Variants in PRKAR1B observed in about 807,000 individuals in gnomAD.
The protein encoded by PRKAR1B is cAMP-dependent protein kinase type I-beta regulatory subunit.
In PRKAR1B, 22 loss-of-function variants were observed where a neutral mutation model predicts 46.5. The ratio of observed to expected loss-of-function variants is 0.47; its 90% CI spans 0.34 to 0.68. The LOEUF (loss-of-function observed/expected upper bound fraction) is 0.68. Ranked by LOEUF, PRKAR1B falls within the 30% of genes least tolerant of loss-of-function variation. The pLI, the probability that PRKAR1B is intolerant of heterozygous loss-of-function variation, is 0.01. For missense variants in PRKAR1B, 445 were observed against 535.6 expected, an observed-to-expected ratio of 0.83 and a Z score of 1.67; for synonymous variants, 259 against 217.7, an observed-to-expected ratio of 1.19 and a Z score of -1.67.
chr7:655,205 A>G (rs902502646), intron 4 of PRKAR1B, among the ~76,000 whole-genome samples: 5 of 152,204 alleles, frequency 3.3e-5, no homozygotes, highest in African/African-American at 9.7e-5. Flanking sequence ...AGGGCCTCCC[A>G]TCTCAGAATA....
intron 4 of PRKAR1B, among the ~76,000 whole-genome samples, chr7:618,414 G>A (rs1251105411): frequency 2.6e-5 from 4 of 152,082 alleles, no homozygotes. Context: ...CTCGGTCTGT[G>A]GGCAATTGCT....
chr7:637,214 G>A (rs2128482970), intron 4 of PRKAR1B, among the ~76,000 whole-genome samples: 1 of 152,252 alleles, frequency 6.6e-6, no homozygotes, highest in South Asian at 2.1e-4. Context: ...TTGAGCTTCG[G>A]AGGCAGAGGT....
At chr7:634,589 G>C (rs1783936848) in intron 4 of PRKAR1B, among the ~76,000 whole-genome samples, 2 of 152,174 alleles carry the variant, frequency 1.3e-5, no homozygotes, top group East Asian at 3.9e-4. Flanking sequence ...CTTGTTCTTA[G>C]GAGACACCCA....
intron 4 of PRKAR1B, among the ~76,000 whole-genome samples, chr7:676,881 C>T (rs934685711): frequency 4.6e-5 from 7 of 151,658 alleles, no homozygotes; most frequent in Non-Finnish European, 7.4e-5. Context: ...GGCCTGCCCA[C>T]CTCCCGGAGG....
At chr7:710,838 T>A (rs1460745912) in intron 2 of PRKAR1B, among the ~76,000 whole-genome samples, 1 of 151,990 alleles carries the variant, frequency 6.6e-6, no homozygotes, top group African/African-American at 2.4e-5. Context: ...GAGAGGGGGT[T>A]TCGCCATGTT....
intron 6 of PRKAR1B, 65 bp from the exon 7 acceptor site, chr7:596,369 A>G: frequency 6.5e-7 from 1 of 1,540,650 alleles, no homozygotes; most frequent in African/African-American, 1.4e-5. Flanking sequence ...TGCATCCCAT[A>G]CAGAAAGTCC....
At chr7:629,998 G>C in intron 4 of PRKAR1B, among the ~76,000 whole-genome samples, 1 of 143,980 alleles carries the variant, frequency 6.9e-6, no homozygotes, top group South Asian at 2.3e-4. Context: ...GCAGGAGCGG[G>C]GCCACGGCCT....
chr7:588,603 A>ACGATGG (rs1780754634), intron 7 of PRKAR1B, among the ~76,000 whole-genome samples: 1 of 11,870 alleles, frequency 8.4e-5, no homozygotes, highest in African/African-American at 3.8e-4. Context: ...GACGGTGGTG[A>ACGATGG]TGGTGATGGT....
At chr7:705,414 T>C (rs1353561101) in intron 2 of PRKAR1B, among the ~76,000 whole-genome samples, 1 of 151,224 alleles carries the variant, frequency 6.6e-6, no homozygotes, top group African/African-American at 2.4e-5. Flanking sequence ...AGGCTGCCGA[T>C]ACTGAGGAAC....
intron 2 of PRKAR1B, among the ~76,000 whole-genome samples, chr7:681,656 G>C (rs537900559): frequency 6.6e-6 from 1 of 152,170 alleles, no homozygotes; most frequent in Non-Finnish European, 1.5e-5. Context: ...TCCTCCACGT[G>C]GGCTGGGGTT....
chr7:605,888 G>A (rs1782010101), intron 6 of PRKAR1B, among the ~76,000 whole-genome samples: 1 of 152,198 alleles, frequency 6.6e-6, no homozygotes, highest in South Asian at 2.1e-4. Context: ...AGACGGCGCT[G>A]GGTCAAACAG....
chr7:607,357 T>C, intron 5 of PRKAR1B, 34 bp downstream of exon 5: 2 of 1,596,198 alleles, frequency 1.3e-6, no homozygotes, highest in African/African-American at 1.3e-5. Flanking sequence ...TTTTCCCCTC[T>C]GGACTTTGGC....
chr7:640,658 G>C (rs1784340521), intron 4 of PRKAR1B, among the ~76,000 whole-genome samples: 1 of 151,974 alleles, frequency 6.6e-6, no homozygotes, highest in Non-Finnish European at 1.5e-5. Context: ...AGCTACTCGA[G>C]AGGCTGAGGC....
intron 2 of PRKAR1B, among the ~76,000 whole-genome samples, chr7:696,332 C>T (rs1169570506): frequency 6.6e-6 from 1 of 151,122 alleles, no homozygotes; most frequent in African/African-American, 2.4e-5. Context: ...AGTGCAGTGT[C>T]GCGATCTTGG....
At chr7:568,041 G>A (rs563555939) in intron 9 of PRKAR1B, among the ~76,000 whole-genome samples, 1 of 152,302 alleles carries the variant, frequency 6.6e-6, no homozygotes, top group South Asian at 2.1e-4. Flanking sequence ...CACGTTATCT[G>A]TATTTTATCA....
chr7:696,969 G>C (rs116708384), intron 2 of PRKAR1B: 1 of 152,332 alleles, frequency 6.6e-6, no homozygotes, highest in African/African-American at 2.4e-5. Context: ...TTGGGATTCC[G>C]GGAAAGCCTC....
At chr7:672,308 G>A (rs771476388) in intron 4 of PRKAR1B, among the ~76,000 whole-genome samples, 13 of 151,908 alleles carry the variant, frequency 8.6e-5, no homozygotes, top group Non-Finnish European at 1.5e-4. Context: ...GCGCAACTGT[G>A]CTCAGCCTAA....
rs1169613844 is a variant in PRKAR1B, at chr7:680,490, G to T, written c.348+66C>A. 7 of 1,465,430 alleles carry T rather than the reference G, an allele frequency of 4.8e-6. No individual in the cohort carries two copies. The Admixed American group carries it at 9.6e-5, about 20-fold the overall frequency. 90.8% of individuals were successfully genotyped at this position (1,465,430 alleles called of 1,614,324 possible). On this transcript the variant is annotated intron_variant, in intron 3 of 10. Coordinates refer to ENST00000537384, the MANE Select transcript of PRKAR1B (RefSeq NM_001164760.2). ...TGAGGGTGCCCCGTGGGCTTCCAGGGAGCTCACAGGTGACAGCCACGTGCC... is the reference window on the plus strand; with the variant it reads ...TGAGGGTGCCCCGTGGGCTTCCAGGTAGCTCACAGGTGACAGCCACGTGCC...
At chr7:710,583 A>G (rs1389509545) in intron 2 of PRKAR1B, among the ~76,000 whole-genome samples, 4 of 151,852 alleles carry the variant, frequency 2.6e-5, no homozygotes, top group Non-Finnish European at 5.9e-5. Flanking sequence ...CTGCAAGATC[A>G]ACGTGGAATT....
Sources: gnomAD v4.1 joint callset for allele counts (sites outside exome capture counted in the v4.1 genomes callset) on GRCh38, gnomAD v4.1.1 for gene constraint, MANE v1.5 for transcripts, NCBI Gene and HGNC (gene_info 2026-07-23, HGNC 2026-07-21) for gene names.